Variants in TENM2 observed in about 807,000 individuals in gnomAD.
The protein encoded by TENM2 is teneurin transmembrane protein 2, also known as teneurin-2.
A neutral mutation model predicts 245.2 loss-of-function variants in TENM2; 52 were observed. The observed-to-expected ratio is 0.21, with a 90% CI of 0.17 to 0.27. The LOEUF (loss-of-function observed/expected upper bound fraction) is 0.27. TENM2 is among the 10% of genes least tolerant of loss of function. TENM2 has a pLI of 1.00. For missense variants in TENM2, 3,046 were observed against 3,666.8 expected (o/e 0.83, Z 4.37); for synonymous variants, 1,363 against 1,438.9 (o/e 0.95, Z 1.19).
At chr5:167,423,138 C>T (rs959518643) in intron 2 of TENM2, among the ~76,000 whole-genome samples, 2 of 151,916 alleles carry the variant, frequency 1.3e-5, no homozygotes, top group African/African-American at 4.8e-5. Flanking sequence ...TAGTGTCACC[C>T]ATTCTATTTT....
chr5:167,219,765 C>G, the TENM2 span, among the ~76,000 whole-genome samples: 1 of 152,182 alleles, frequency 6.6e-6, no homozygotes, highest in African/African-American at 2.4e-5. Flanking sequence ...CACTCCCTTT[C>G]AGATTAGGGA....
the TENM2 span, among the ~76,000 whole-genome samples, chr5:167,098,713 C>T: frequency 6.6e-6 from 1 of 152,120 alleles, no homozygotes; most frequent in Non-Finnish European, 1.5e-5. Flanking sequence ...CTAAAAACAG[C>T]GGTTTCTAAG....
the TENM2 span, among the ~76,000 whole-genome samples, chr5:167,144,812 T>C: frequency 6.6e-6 from 1 of 152,218 alleles, no homozygotes; most frequent in African/African-American, 2.4e-5. Flanking sequence ...TAGTTTCCTG[T>C]TGTTGCTGTA....
intron 9 of TENM2, among the ~76,000 whole-genome samples, chr5:168,109,166 T>A (rs908096349): frequency 1.3e-5 from 2 of 152,004 alleles, no homozygotes; most frequent in Non-Finnish European, 2.9e-5. Flanking sequence ...CACCTCTCTT[T>A]CCTCCCACCC....
chr5:167,624,482 C>T (rs1412763953), intron 2 of TENM2, among the ~76,000 whole-genome samples: 1 of 152,116 alleles, frequency 6.6e-6, no homozygotes, highest in Non-Finnish European at 1.5e-5. Flanking sequence ...CATGGGTGAC[C>T]CATTCCATTA....
chr5:167,057,564 A>G, the TENM2 span, among the ~76,000 whole-genome samples: 4 of 151,706 alleles, frequency 2.6e-5, no homozygotes, highest in Admixed American at 2.0e-4. Flanking sequence ...CAGTTTCCCC[A>G]CTCCCTTTAT....
chr5:167,603,908 CA>C (rs1776833266), intron 2 of TENM2, among the ~76,000 whole-genome samples: 2 of 152,146 alleles, frequency 1.3e-5, no homozygotes, highest in Non-Finnish European at 2.9e-5. Context: ...TTAAGCACCT[CA>C]TTTAATTGAT....
At chr5:167,596,998 G>C (rs995252885) in intron 2 of TENM2, among the ~76,000 whole-genome samples, 8 of 151,872 alleles carry the variant, frequency 5.3e-5, no homozygotes, top group Non-Finnish European at 1.0e-4. Flanking sequence ...TTCTAAATCC[G>C]GCTGCTTATG....
At chr5:167,097,318 G>T in the TENM2 span, among the ~76,000 whole-genome samples, 2 of 152,200 alleles carry the variant, frequency 1.3e-5, no homozygotes, top group Non-Finnish European at 2.9e-5. Context: ...CCTTGGCCAA[G>T]ATTTTCTTCC....
chr5:167,514,872 A>G (rs10076223), intron 2 of TENM2, among the ~76,000 whole-genome samples: 103,655 of 151,942 alleles, frequency 0.68, 35,617 homozygotes, highest in East Asian at 0.85. Flanking sequence ...TTAGCTTGGC[A>G]TGGTGGCGGG....
intron 27 of TENM2, among the ~76,000 whole-genome samples, chr5:168,258,371 T>C (rs148965741): frequency 0.015 from 2,350 of 152,026 alleles, 59 homozygotes; most frequent in African/African-American, 0.054. Flanking sequence ...TGTGGTGGCA[T>C]GCACCTGTAG....
At chr5:167,577,380 T>G in intron 2 of TENM2, among the ~76,000 whole-genome samples, 1 of 152,172 alleles carries the variant, frequency 6.6e-6, no homozygotes, top group East Asian at 1.9e-4. Context: ...TTCTTTGGCA[T>G]TGAATCACCT....
intron 4 of TENM2, among the ~76,000 whole-genome samples, chr5:167,973,315 A>G (rs528324864): frequency 6.6e-6 from 1 of 152,200 alleles, no homozygotes; most frequent in East Asian, 1.9e-4. Context: ...ATTTTATGCT[A>G]ACTAAGGATT....
chr5:167,171,352 C>G, the TENM2 span, among the ~76,000 whole-genome samples: 1 of 152,302 alleles, frequency 6.6e-6, no homozygotes, highest in East Asian at 1.9e-4. Context: ...CCTGACCTGC[C>G]TATGTGTGTG....
At chr5:167,378,944 A>G (rs1760933935) in intron 2 of TENM2, among the ~76,000 whole-genome samples, 1 of 151,994 alleles carries the variant, frequency 6.6e-6, no homozygotes, top group South Asian at 2.1e-4. Flanking sequence ...AAAACAAAAA[A>G]ACAAAAAACA....
At chr5:167,899,613 C>G (rs1775523675) in intron 3 of TENM2, among the ~76,000 whole-genome samples, 1 of 152,078 alleles carries the variant, frequency 6.6e-6, no homozygotes, top group Non-Finnish European at 1.5e-5. Context: ...TCAGGAAGTC[C>G]AGCTCCCGAG....
intron 2 of TENM2, among the ~76,000 whole-genome samples, chr5:167,857,566 C>A (rs114435217): frequency 0.024 from 3,609 of 152,224 alleles, 69 homozygotes; most frequent in Non-Finnish European, 0.034. Context: ...GGACATGCTT[C>A]CCATACCATC....
intron 19 of TENM2, among the ~76,000 whole-genome samples, chr5:168,211,308 T>C (rs1315667614): frequency 1.3e-5 from 2 of 152,220 alleles, no homozygotes; most frequent in Non-Finnish European, 2.9e-5. Flanking sequence ...GAGGGGACAT[T>C]GCAAGTGAGT....
intron 2 of TENM2, among the ~76,000 whole-genome samples, chr5:167,521,559 C>T (rs2127582153): frequency 6.6e-6 from 1 of 152,276 alleles, no homozygotes; most frequent in Admixed American, 6.5e-5. Flanking sequence ...GGGATCTTGG[C>T]ATAGCCAAAC....
Sources: allele counts gnomAD v4.1 joint callset (sites outside exome capture counted in the v4.1 genomes callset), GRCh38; gene constraint gnomAD v4.1.1; transcripts MANE v1.5; gene names NCBI Gene and HGNC (gene_info 2026-07-23, HGNC 2026-07-21).